F5: variants seen among roughly 807,000 people sequenced by gnomAD.
F5 encodes the protein activated protein c cofactor.
F5 carries 138 observed loss-of-function variants against 216.4 expected under a neutral mutation model. The ratio of observed to expected loss-of-function variants is 0.64; its 90% CI spans 0.56 to 0.73. The LOEUF (loss-of-function observed/expected upper bound fraction) is 0.73, where lower values mean the gene tolerates loss of function less well. Ranked by LOEUF, F5 falls within the 30% of genes least tolerant of loss-of-function variation. The pLI is 0.00. For synonymous variants in F5, 916 were observed against 930.7 expected, an observed-to-expected ratio of 0.98 and a Z score of 0.29; for missense variants, 2,403 against 2,674.0, an observed-to-expected ratio of 0.90 and a Z score of 2.24.
intron 14 of F5, among the ~76,000 whole-genome samples, chr1:169,535,013 C>T (rs941312876): frequency 6.6e-6 from 1 of 151,988 alleles, no homozygotes; most frequent in Non-Finnish European, 1.5e-5. Context: ...TGGCAATAAA[C>T]ACTGGGGACT....
intron 10 of F5, among the ~76,000 whole-genome samples, 166 bp downstream of exon 10, chr1:169,549,635 A>C (rs199919250): frequency 2.3e-4 from 2 of 8,542 alleles, no homozygotes; most frequent in Non-Finnish European, 4.9e-4. Flanking sequence ...TAGACAAGAC[A>C]AAAAAAAAAA....
At chr1:169,536,422 G>A in intron 14 of F5, 84 bp downstream of exon 14, 1 of 1,118,524 alleles carries the variant, frequency 8.9e-7, no homozygotes, top group South Asian at 1.3e-5. Context: ...ATCACCTATA[G>A]CTCTCTTGCC....
chr1:169,542,696 A>G lies in F5; in HGVS notation c.2394T>C (p.Pro798=), dbSNP rs376357687. 6.8e-6 allele frequency: 11 copies of G among 1,614,002 alleles called. No homozygotes were observed. The highest frequency in any genetic ancestry group is 9.3e-6 in the Non-Finnish European group (11 of 1,180,006). ...VNNLAEPQKA[P]SHQQATTAGS... Reference sequence around the variant, plus strand: ...CAGCTGTGGTGGCTTGTTGGTGAGAAGGGGCTTTCTGAGGTTCTGCAAGGT... The same window carrying G: ...CAGCTGTGGTGGCTTGTTGGTGAGAGGGGGCTTTCTGAGGTTCTGCAAGGT... The change falls in exon 13 of 25, where the codon CCT becomes CCC. Residue 798 remains proline (P), a synonymous_variant. Coordinates refer to ENST00000367797, the MANE Select transcript of F5 (RefSeq NM_000130.5).
intron 13 of F5, among the ~76,000 whole-genome samples, chr1:169,540,042 GAC>G (rs1366022864): frequency 2.0e-5 from 3 of 152,146 alleles, no homozygotes; most frequent in Non-Finnish European, 4.4e-5. Flanking sequence ...AAGAGGAGAG[GAC>G]ACAGAAAAAT....
Position 169,513,886 on chromosome 1 carries a change from T to C in F5, c.*427A>G, listed in dbSNP as rs1201935499. 6.6e-6 allele frequency among the ~76,000 whole-genome samples: 1 copy of C among 152,130 alleles called. No individual in the cohort carries two copies. The highest frequency in any genetic ancestry group is 1.5e-5 in the Non-Finnish European group (1 of 68,006). Reference sequence around the variant, plus strand: ...TTGATAATATTGTTTTTCTCTTCACTCAAGAAAAACCATTAAAAAATCATG... The same window carrying C: ...TTGATAATATTGTTTTTCTCTTCACCCAAGAAAAACCATTAAAAAATCATG... On this transcript the variant is annotated 3_prime_UTR_variant, in exon 25 of 25. Coordinates refer to ENST00000367797, the MANE Select transcript of F5 (RefSeq NM_000130.5).
rs115389499 is a variant in F5 at position 169,539,211 on chromosome 1, A to C, written c.4796+1083T>G. On this transcript the variant is annotated intron_variant, in intron 13 of 24. Coordinates refer to ENST00000367797, the MANE Select transcript of F5 (RefSeq NM_000130.5). ...CCCATAATATTTGCTATATACTGTG[A>C]GTCATCAACAGAGAATCTCCTTCTG... is the stretch of plus-strand genomic sequence containing the variant. Among the ~76,000 whole-genome samples, 96 of 152,268 alleles carry C rather than the reference A, an allele frequency of 6.3e-4. 1 individual carries two copies. The highest frequency in any genetic ancestry group is 2.3e-3 in the African/African-American group (95 of 41,548).
At chr1:169,586,190 T>C in intron 1 of F5, 39 bp downstream of exon 1, 1 of 1,611,614 alleles carries the variant, frequency 6.2e-7, no homozygotes, top group Non-Finnish European at 8.5e-7. Flanking sequence ...TAGATTTTCC[T>C]CTCTAGAGAA....
intron 5 of F5, among the ~76,000 whole-genome samples, chr1:169,558,243 A>G (rs1381450778): frequency 6.6e-6 from 1 of 152,170 alleles, no homozygotes; most frequent in Non-Finnish European, 1.5e-5. Flanking sequence ...GGTCGAGGTC[A>G]GTTAACTAAG....
rs768697206 is a variant in F5, at chr1:169,572,242, T to C, written c.352A>G (p.Arg118Gly). 6.2e-7 allele frequency: 1 copy of C among 1,612,978 alleles called. No individual in the cohort carries two copies. Among genetic ancestry groups the C allele is most frequent in the South Asian group, 1.1e-5 (1 of 91,052 alleles). ...TTACCTTCTGATAATTTACTGTACC[T>C]AATTCCTTGAGGATGGATGCTCAAG... ...KPLSIHPQGI[R>G]YSKLSEGASY... The change falls in exon 3 of 25, where the codon AGG becomes GGG. Residue 118 changes from arginine to glycine, a missense_variant. Physicochemically the swap from Arg to Gly is moderately radical, Grantham distance 125 (BLOSUM62 -2). Transcript: ENST00000367797.
At position 169,586,252 on chromosome 1, in the gene F5, G is replaced by A. The variant is rs2101849366; in HGVS notation, c.135C>T (p.Tyr45=). The A allele has an allele frequency of 6.2e-7, 1 of 1,614,186 alleles. No homozygotes were observed. The highest frequency in any genetic ancestry group is 8.5e-7 in the Non-Finnish European group (1 of 1,180,028). ...YVAAQGISWS[Y]RPEPTNSSLN... is the part of the protein sequence containing the mutation. ...ACCTTGAGTTTGTGGGCTCAGGTCG[G>A]TAGCTCCAACTGATGCCCTGAGCAG... is the stretch of plus-strand genomic sequence containing the variant. Residue 45 remains tyrosine, a synonymous_variant, in exon 1 of 25, where the codon TAC becomes TAT. Coordinates refer to ENST00000367797, the MANE Select transcript of F5 (RefSeq NM_000130.5).
chr1:169,555,814 T>C (rs1047683504), intron 6 of F5, among the ~76,000 whole-genome samples: 1 of 152,076 alleles, frequency 6.6e-6, no homozygotes, highest in African/African-American at 2.4e-5. Context: ...TTTAATATTA[T>C]TGGGAACTCT....
chr1:169,579,115 AC>A (rs1383860168), intron 2 of F5, among the ~76,000 whole-genome samples: 17 of 150,324 alleles, frequency 1.1e-4, no homozygotes, highest in African/African-American at 4.2e-4. Context: ...TATCTATAAG[AC>A]CCTTGTGCTT....
intron 21 of F5, among the ~76,000 whole-genome samples, chr1:169,521,332 A>C (rs767758461): frequency 2.0e-5 from 3 of 152,164 alleles, no homozygotes; most frequent in Non-Finnish European, 4.4e-5. Flanking sequence ...CCAGCCCCTA[A>C]TGAAGCTCCT....
chr1:169,577,561 A>ATATG (rs1660884785), intron 2 of F5, among the ~76,000 whole-genome samples: 1 of 3,438 alleles, frequency 2.9e-4, no homozygotes, highest in African/African-American at 1.4e-3. Context: ...GCTAATTTAA[A>ATATG]TATATATATA....
chr1:169,560,420 A>T, intron 4 of F5, 134 bp downstream of exon 4: 1 of 788,624 alleles, frequency 1.3e-6, no homozygotes, highest in Non-Finnish European at 2.1e-6. Context: ...TCAAACAATG[A>T]TCTGGTCTCC....
intron 7 of F5, among the ~76,000 whole-genome samples, chr1:169,553,505 G>A (rs1349231303): frequency 6.6e-6 from 1 of 152,136 alleles, no homozygotes; most frequent in Non-Finnish European, 1.5e-5. Context: ...TCAGGAGATC[G>A]AGACCATCCT....
intron 13 of F5, among the ~76,000 whole-genome samples, chr1:169,536,997 T>C (rs1659719635): frequency 6.6e-6 from 1 of 151,864 alleles, no homozygotes; most frequent in Non-Finnish European, 1.5e-5. Context: ...TTATAATATC[T>C]CTAGAATATA....
At chr1:169,514,553 C>A (rs1215020626) in intron 24 of F5, 94 bp from the exon 25 acceptor site, 3 of 1,119,512 alleles carry the variant, frequency 2.7e-6, no homozygotes, top group Non-Finnish European at 3.9e-6. Flanking sequence ...TATTCTGTTG[C>A]CCAGGCTTGA....
chr1:169,540,815 A>G lies in F5; in HGVS notation c.4275T>C (p.Gly1425=), dbSNP rs1659817773. The G allele has an allele frequency of 3.1e-6, 5 of 1,613,488 alleles. No homozygotes were observed. Among genetic ancestry groups the G allele is most frequent in the Non-Finnish European group, 4.2e-6 (5 of 1,179,770 alleles). ...TGAGGTCTGGGGAAAGGGACATCTG[A>G]CCAAAGTTTGGGGAAAGATCTGTCT... ...LGETDLSPNF[G]QMSLSPDLSQ... The change falls in exon 13 of 25, where the codon GGT becomes GGC. Residue 1425 remains glycine, a synonymous_variant. Transcript: ENST00000367797.
Sources: allele counts gnomAD v4.1 joint callset (sites outside exome capture counted in the v4.1 genomes callset), GRCh38; gene constraint gnomAD v4.1.1; transcripts MANE v1.5; gene names NCBI Gene and HGNC (gene_info 2026-07-23, HGNC 2026-07-21).